SCHIP1: variants seen among roughly 807,000 people sequenced by gnomAD.
SCHIP1 encodes schwannomin-interacting protein 1.
SCHIP1 carries 8 observed loss-of-function variants against 29.7 expected under a neutral mutation model. The ratio of observed to expected loss-of-function variants is 0.27; its 90% CI spans 0.16 to 0.49. The LOEUF is 0.49. Among genes scored for constraint, SCHIP1 ranks in the 20% least tolerant of loss-of-function variants. SCHIP1 has a pLI of 0.99. For missense variants in SCHIP1, 193 were observed against 294.6 expected, an observed-to-expected ratio of 0.66 and a Z score of 2.52; for synonymous variants, 76 against 94.9, an observed-to-expected ratio of 0.80 and a Z score of 1.16.
the SCHIP1 span, among the ~76,000 whole-genome samples, chr3:159,440,333 T>A: frequency 6.6e-6 from 1 of 152,172 alleles, no homozygotes; most frequent in Non-Finnish European, 1.5e-5. Context: ...TAGTTGGAAG[T>A]CAGGTAACAT....
At chr3:159,724,170 T>C in the SCHIP1 span, among the ~76,000 whole-genome samples, 1 of 152,370 alleles carries the variant, frequency 6.6e-6, no homozygotes, top group South Asian at 2.1e-4. Context: ...CATTTGTATT[T>C]CTTCTCTTAT....
intron 1 of SCHIP1, among the ~76,000 whole-genome samples, chr3:159,858,976 T>C (rs1319176038): frequency 2.0e-5 from 3 of 152,256 alleles, no homozygotes; most frequent in Non-Finnish European, 4.4e-5. Flanking sequence ...ATGTTTAGTG[T>C]AAGTGACTGA....
At chr3:159,448,674 A>G in the SCHIP1 span, among the ~76,000 whole-genome samples, 1 of 152,220 alleles carries the variant, frequency 6.6e-6, no homozygotes. Context: ...ATAATCTCAA[A>G]GAACAGAAGT....
At chr3:159,810,044 TTTG>T in the SCHIP1 span, among the ~76,000 whole-genome samples, 6 of 152,100 alleles carry the variant, frequency 3.9e-5, no homozygotes, top group East Asian at 1.9e-4. Flanking sequence ...ATTCACCTTT[TTTG>T]TTGTTGTTGT....
At chr3:159,801,619 T>G in the SCHIP1 span, among the ~76,000 whole-genome samples, 1 of 152,128 alleles carries the variant, frequency 6.6e-6, no homozygotes, top group Non-Finnish European at 1.5e-5. Flanking sequence ...AAGTACAAGT[T>G]TTGAAAAGGA....
the SCHIP1 span, among the ~76,000 whole-genome samples, chr3:159,519,468 T>A: frequency 6.6e-6 from 1 of 152,182 alleles, no homozygotes. Context: ...TTACTCTAAA[T>A]GTCTAAAAGA....
the SCHIP1 span, among the ~76,000 whole-genome samples, chr3:159,564,386 T>C: frequency 1.3e-5 from 2 of 152,212 alleles, no homozygotes; most frequent in South Asian, 2.1e-4. Flanking sequence ...TCTTGATTTT[T>C]TTTTTTTTAG....
the SCHIP1 span, among the ~76,000 whole-genome samples, chr3:159,783,779 T>G: frequency 6.6e-6 from 1 of 151,998 alleles, no homozygotes; most frequent in African/African-American, 2.4e-5. Context: ...TATTTGAGGG[T>G]TTTTCTCCCA....
chr3:159,325,914 G>GT, the SCHIP1 span, among the ~76,000 whole-genome samples: 4 of 152,022 alleles, frequency 2.6e-5, no homozygotes, highest in African/African-American at 9.7e-5. Context: ...TGTAGTCATG[G>GT]TTTTTTACAG....
chr3:159,543,209 T>C, the SCHIP1 span, among the ~76,000 whole-genome samples: 2 of 151,610 alleles, frequency 1.3e-5, no homozygotes. Context: ...TTTTGTTTTT[T>C]TATTTTATTA....
At chr3:159,781,033 A>T in the SCHIP1 span, among the ~76,000 whole-genome samples, 1 of 152,222 alleles carries the variant, frequency 6.6e-6, no homozygotes, top group Non-Finnish European at 1.5e-5. Flanking sequence ...GTTTTACAGC[A>T]TAAATTTTAT....
chr3:159,686,364 T>C, the SCHIP1 span, among the ~76,000 whole-genome samples: 1 of 152,166 alleles, frequency 6.6e-6, no homozygotes. Context: ...TACAAACCTC[T>C]TCCAGAGGAA....
At chr3:159,421,805 G>A in the SCHIP1 span, among the ~76,000 whole-genome samples, 1 of 152,106 alleles carries the variant, frequency 6.6e-6, no homozygotes, top group South Asian at 2.1e-4. Context: ...GCTTTTACAA[G>A]TAGTTCCTAA....
At chr3:159,483,128 G>A in the SCHIP1 span, among the ~76,000 whole-genome samples, 1 of 152,174 alleles carries the variant, frequency 6.6e-6, no homozygotes, top group Non-Finnish European at 1.5e-5. Context: ...TAACCAAGCA[G>A]CTGTTTTGGG....
the SCHIP1 span, among the ~76,000 whole-genome samples, chr3:159,330,439 AT>A: frequency 6.6e-6 from 1 of 152,164 alleles, no homozygotes; most frequent in African/African-American, 2.4e-5. Context: ...TCAAATTAGT[AT>A]TTTGTTTCTG....
chr3:159,404,961 G>GAGAGTGTTTTTGAGA, the SCHIP1 span, among the ~76,000 whole-genome samples: 5 of 152,136 alleles, frequency 3.3e-5, no homozygotes, highest in Non-Finnish European at 7.4e-5. Context: ...CTACTTTTTT[G>GAGAGTGTTTTTGAGA]GGAGAAAGTA....
chr3:159,529,415 CA>C, the SCHIP1 span, among the ~76,000 whole-genome samples: 2 of 152,092 alleles, frequency 1.3e-5, no homozygotes, highest in East Asian at 1.9e-4. Flanking sequence ...CTGAGCTATT[CA>C]AAAAACTACT....
chr3:159,672,907 A>G, the SCHIP1 span, among the ~76,000 whole-genome samples: 13 of 152,220 alleles, frequency 8.5e-5, no homozygotes, highest in Admixed American at 2.6e-4. Flanking sequence ...ACTAGTAGTA[A>G]TAGAAGTGGT....
chr3:159,510,739 AC>A, the SCHIP1 span, among the ~76,000 whole-genome samples: 1 of 152,142 alleles, frequency 6.6e-6, no homozygotes, highest in Non-Finnish European at 1.5e-5. Flanking sequence ...TCCACTCCAG[AC>A]CCTGTTTGCC....
Sources: allele counts gnomAD v4.1 joint callset (sites outside exome capture counted in the v4.1 genomes callset), GRCh38; gene constraint gnomAD v4.1.1; transcripts MANE v1.5; gene names NCBI Gene and HGNC (gene_info 2026-07-23, HGNC 2026-07-21).